SYT9: variants seen among roughly 807,000 people sequenced by gnomAD.
SYT9 encodes synaptotagmin-9.
SYT9 carries 22 observed loss-of-function variants against 48.4 expected under a neutral mutation model. That is an observed-to-expected ratio of 0.45 (90% CI 0.32 to 0.65). The LOEUF is 0.65. Among genes scored for constraint, SYT9 ranks in the 30% least tolerant of loss-of-function variants. The pLI, the probability that SYT9 is intolerant of heterozygous loss-of-function variation, is 0.03. For synonymous variants in SYT9, 265 were observed against 245.0 expected (o/e 1.08, Z -0.76); for missense variants, 577 against 622.0 (o/e 0.93, Z 0.77).
chr11:7,462,654 A>G (rs993493634), intron 6 of SYT9, among the ~76,000 whole-genome samples: 3 of 152,230 alleles, frequency 2.0e-5, no homozygotes, highest in African/African-American at 7.2e-5. Context: ...AGCTGTGGTA[A>G]GCAATAAATA....
At chr11:7,324,617 TC>T (rs1481775594) in intron 3 of SYT9, among the ~76,000 whole-genome samples, 1 of 151,994 alleles carries the variant, frequency 6.6e-6, no homozygotes, top group Admixed American at 6.6e-5. Flanking sequence ...TATCTAAGCA[TC>T]TTCTAGCATC....
chr11:7,260,589 G>T (rs1848060768), intron 1 of SYT9, among the ~76,000 whole-genome samples: 1 of 152,196 alleles, frequency 6.6e-6, no homozygotes, highest in African/African-American at 2.4e-5. Context: ...TATATCATAA[G>T]CCCAAAGCAA....
intron 6 of SYT9, among the ~76,000 whole-genome samples, chr11:7,463,167 C>T (rs780938179): frequency 1.3e-5 from 2 of 152,174 alleles, no homozygotes; most frequent in Admixed American, 6.5e-5. Flanking sequence ...ATAACAAGGA[C>T]ACTGCTGCTT....
intron 6 of SYT9, among the ~76,000 whole-genome samples, chr11:7,431,965 A>T (rs1462559187): frequency 6.6e-6 from 1 of 152,240 alleles, no homozygotes; most frequent in Admixed American, 6.5e-5. Flanking sequence ...TGCTAAGGGA[A>T]AATGTGGGAT....
At chr11:7,307,996 C>G (rs924893122) in intron 2 of SYT9, among the ~76,000 whole-genome samples, 2 of 152,212 alleles carry the variant, frequency 1.3e-5, no homozygotes, top group African/African-American at 4.8e-5. Flanking sequence ...GCTGGAAACC[C>G]TTGAATCTTC....
chr11:7,381,279 T>C (rs1268721976), intron 3 of SYT9, among the ~76,000 whole-genome samples: 1 of 152,212 alleles, frequency 6.6e-6, no homozygotes, highest in Non-Finnish European at 1.5e-5. Context: ...GTGATATTGG[T>C]CTGGTATCAT....
At chr11:7,444,919 G>A (rs1847900244) in intron 6 of SYT9, among the ~76,000 whole-genome samples, 1 of 152,200 alleles carries the variant, frequency 6.6e-6, no homozygotes, top group African/African-American at 2.4e-5. Flanking sequence ...CTGGGATTCT[G>A]CTAGGGCCCT....
intron 3 of SYT9, among the ~76,000 whole-genome samples, chr11:7,378,151 G>C (rs1196013015): frequency 6.6e-6 from 1 of 151,716 alleles, no homozygotes; most frequent in Non-Finnish European, 1.5e-5. Context: ...AGAGAAGTGA[G>C]CAGGAGTTAT....
intron 3 of SYT9, among the ~76,000 whole-genome samples, chr11:7,336,566 A>C (rs1849634177): frequency 6.6e-6 from 1 of 152,176 alleles, no homozygotes; most frequent in African/African-American, 2.4e-5. Context: ...ATGGCTAGCA[A>C]GTTATCCCAG....
chr11:7,448,009 G>T (rs34929057), intron 6 of SYT9, among the ~76,000 whole-genome samples: 20,893 of 152,196 alleles, frequency 0.14, 1,633 homozygotes, highest in Middle Eastern at 0.18. Flanking sequence ...GTCTACACTC[G>T]AAAAAGCTGA....
chr11:7,330,396 A>G (rs1211094847), intron 3 of SYT9, among the ~76,000 whole-genome samples: 2 of 152,102 alleles, frequency 1.3e-5, no homozygotes, highest in Admixed American at 1.3e-4. Context: ...GGATGGGGAG[A>G]TGCGTTGATG....
chr11:7,370,611 A>G (rs997240128), intron 3 of SYT9, among the ~76,000 whole-genome samples: 16 of 152,168 alleles, frequency 1.1e-4, no homozygotes, highest in African/African-American at 3.6e-4. Context: ...TCAACAAACC[A>G]ATGTTTTATA....
chr11:7,400,762 C>T (rs939066594), intron 3 of SYT9, among the ~76,000 whole-genome samples: 6 of 152,090 alleles, frequency 3.9e-5, no homozygotes, highest in South Asian at 2.1e-4. Flanking sequence ...CTCCTCATCC[C>T]GAGAGAAGCC....
In SYT9 at chr11:7,303,252, C is replaced by A; in HGVS notation, c.359C>A (p.Thr120Lys). Reference protein sequence around the residue: ...ENSEDFLDPPTPCPDSSMKIS... With the variant: ...ENSEDFLDPPKPCPDSSMKIS... ...AGTGAGGACTTCCTAGATCCTCCCA[C>A]GCCCTGCCCTGACTCCTCCATGAAG... Residue 120 changes from threonine (T) to lysine (K), a missense_variant, in exon 2 of 7, where the codon ACG (threonine) becomes AAG (lysine). Coordinates refer to ENST00000318881, the MANE Select transcript of SYT9 (RefSeq NM_175733.4). 1 of 1,614,090 alleles carries A rather than the reference C, an allele frequency of 6.2e-7. No individual in the cohort carries two copies.
At chr11:7,406,533 CGCATATATAT>C (rs1564892339) in intron 3 of SYT9, among the ~76,000 whole-genome samples, 9 of 59,250 alleles carry the variant, frequency 1.5e-4, no homozygotes, top group Admixed American at 4.8e-4. Flanking sequence ...TGTTCAATTG[CGCATATATAT>C]ATATATATAT....
intron 6 of SYT9, among the ~76,000 whole-genome samples, chr11:7,453,084 G>A (rs1235496974): frequency 6.6e-6 from 1 of 151,062 alleles, no homozygotes; most frequent in Non-Finnish European, 1.5e-5. Context: ...GCCCGGCCCT[G>A]AAACTCCTTT....
chr11:7,266,167 C>T (rs1162749299), intron 1 of SYT9, among the ~76,000 whole-genome samples: 1 of 152,014 alleles, frequency 6.6e-6, no homozygotes, highest in Non-Finnish European at 1.5e-5. Context: ...CAAATTATTT[C>T]AGAGGGAATG....
At chr11:7,334,688 A>G (rs1178494575) in intron 3 of SYT9, among the ~76,000 whole-genome samples, 1 of 149,210 alleles carries the variant, frequency 6.7e-6, no homozygotes, top group Non-Finnish European at 1.5e-5. Context: ...GTTTTGTCAC[A>G]CTACATTAGT....
At chr11:7,254,796 A>G (rs932430257) in intron 1 of SYT9, among the ~76,000 whole-genome samples, 1 of 152,200 alleles carries the variant, frequency 6.6e-6, no homozygotes, top group East Asian at 1.9e-4. Flanking sequence ...AAGGAGAAAA[A>G]AGATATAATT....
Sources: gnomAD v4.1 joint callset for allele counts (sites outside exome capture counted in the v4.1 genomes callset) on GRCh38, gnomAD v4.1.1 for gene constraint, MANE v1.5 for transcripts, NCBI Gene and HGNC (gene_info 2026-07-23, HGNC 2026-07-21) for gene names.